TRMT11: variants seen among roughly 807,000 people sequenced by gnomAD.
TRMT11 encodes the protein tRNA (guanine(10)-N(2))-methyltransferase TRMT11.
A neutral mutation model predicts 62.8 loss-of-function variants in TRMT11; 53 were observed. The observed-to-expected ratio is 0.84, with a 90% confidence interval of 0.68 to 1.06. TRMT11 has a LOEUF of 1.06. TRMT11 is among the 50% of genes least tolerant of loss of function. TRMT11 has a pLI of 0.00. For synonymous variants in TRMT11, 188 were observed against 190.3 expected (o/e 0.99, Z 0.10); for missense variants, 556 against 553.4 (o/e 1.00, Z -0.05).
chr6:126,176,903 C>T (rs913594500), upstream of TRMT11, among the ~76,000 whole-genome samples: 3 of 151,920 alleles, frequency 2.0e-5, no homozygotes, highest in Non-Finnish European at 4.4e-5. Flanking sequence ...CATGAAAATG[C>T]GATGGTCCTT....
At chr6:126,026,386 T>TTG (rs1228440626) in intron 12 of TRMT11, among the ~76,000 whole-genome samples, 63 of 143,600 alleles carry the variant, frequency 4.4e-4, no homozygotes, top group African/African-American at 1.8e-3. Flanking sequence ...TTTTTATGTT[T>TTG]TTTTTTAATT....
intron 21 of TRMT11, among the ~76,000 whole-genome samples, chr6:126,139,166 T>A (rs1040269425): frequency 7.9e-5 from 12 of 152,020 alleles, no homozygotes; most frequent in African/African-American, 2.9e-4. Flanking sequence ...GCTGAAACTA[T>A]TTTTTGCATA....
intron 21 of TRMT11, among the ~76,000 whole-genome samples, chr6:126,161,460 T>C (rs954619280): frequency 1.3e-5 from 2 of 152,358 alleles, no homozygotes; most frequent in East Asian, 3.9e-4. Context: ...ATGTGCCACA[T>C]TTTCTTTATC....
chr6:126,128,608 C>A (rs1181294973), intron 21 of TRMT11, among the ~76,000 whole-genome samples: 1 of 152,096 alleles, frequency 6.6e-6, no homozygotes, highest in Non-Finnish European at 1.5e-5. Flanking sequence ...AAAAAGGAAT[C>A]TTCCTTGCAC....
downstream of TRMT11, among the ~76,000 whole-genome samples, chr6:126,041,647 CTAGGCTCATGT>C (rs1775882985): frequency 6.6e-6 from 1 of 152,060 alleles, no homozygotes; most frequent in Non-Finnish European, 1.5e-5. Flanking sequence ...CACAGTGGAA[CTAGGCTCATGT>C]TAATAGTTCT....
chr6:125,991,107 G>A (rs1179371163), intron 1 of TRMT11, among the ~76,000 whole-genome samples: 1 of 151,924 alleles, frequency 6.6e-6, no homozygotes, highest in Non-Finnish European at 1.5e-5. Flanking sequence ...TTAGCCAGAT[G>A]TGGTGGTGTG....
intron 1 of TRMT11, among the ~76,000 whole-genome samples, chr6:126,185,923 G>A (rs1393424837): frequency 1.3e-5 from 2 of 152,068 alleles, no homozygotes; most frequent in Non-Finnish European, 2.9e-5. Flanking sequence ...GAACAGCATG[G>A]GGAAACTGCC....
At chr6:126,157,091 C>T (rs1778130750) in intron 21 of TRMT11, among the ~76,000 whole-genome samples, 1 of 152,138 alleles carries the variant, frequency 6.6e-6, no homozygotes, top group South Asian at 2.1e-4. Flanking sequence ...TCAGATGCCC[C>T]CAAACCTACA....
chr6:126,219,977 A>C, the TRMT11 span, among the ~76,000 whole-genome samples: 1 of 152,152 alleles, frequency 6.6e-6, no homozygotes, highest in Non-Finnish European at 1.5e-5. Context: ...CCTCAGCCAA[A>C]GTTTTTTTCT....
In TRMT11 at chr6:125,998,137, G is replaced by A. The variant is rs747550953; in HGVS notation, c.294+3G>A. The A allele has an allele frequency of 1.9e-6, 3 of 1,612,788 alleles. No individual in the cohort carries two copies. Among genetic ancestry groups the A allele is most frequent in the African/African-American group, 2.7e-5 (2 of 74,884 alleles). ...AAAACTACCCTGTGGAGAAGATGGT[G>A]CGTAGTAAAATGTGGTTTTATATAG... On this transcript the variant is annotated splice_donor_region_variant and intron_variant, in intron 4 of 12. Transcript: ENST00000334379.
At chr6:126,141,798 T>G (rs758777878) in intron 21 of TRMT11, among the ~76,000 whole-genome samples, 2 of 152,134 alleles carry the variant, frequency 1.3e-5, no homozygotes, top group African/African-American at 2.4e-5. Context: ...ATTCTAAGCG[T>G]AAGTGAAGTC....
chr6:126,033,954 G>A (rs2128055765), intron 12 of TRMT11, among the ~76,000 whole-genome samples: 1 of 152,176 alleles, frequency 6.6e-6, no homozygotes, highest in East Asian at 1.9e-4. Flanking sequence ...TTGGCTGGGT[G>A]GGACAGTGGT....
chr6:126,138,206 A>G (rs987289833), intron 21 of TRMT11, among the ~76,000 whole-genome samples: 4 of 152,002 alleles, frequency 2.6e-5, no homozygotes, highest in African/African-American at 9.7e-5. Flanking sequence ...TATGTATATT[A>G]AAATACCATG....
the TRMT11 span, among the ~76,000 whole-genome samples, chr6:126,261,081 G>C: frequency 2.0e-5 from 3 of 152,214 alleles, no homozygotes; most frequent in Middle Eastern, 0.01. Context: ...GTGTGATTAA[G>C]GGTATCCCAT....
intron 17 of TRMT11, among the ~76,000 whole-genome samples, chr6:126,069,719 A>C (rs2128138075): frequency 6.6e-6 from 1 of 152,338 alleles, no homozygotes; most frequent in East Asian, 1.9e-4. Context: ...GGGACTTGCC[A>C]GCCTTCAGAG....
intron 21 of TRMT11, among the ~76,000 whole-genome samples, chr6:126,164,826 C>T (rs1778238961): frequency 6.6e-6 from 1 of 151,964 alleles, no homozygotes; most frequent in African/African-American, 2.4e-5. Flanking sequence ...CGTTCCATTT[C>T]CTTGGTAAGT....
chr6:126,173,443 G>T (rs1307304118), upstream of TRMT11, among the ~76,000 whole-genome samples: 1 of 152,148 alleles, frequency 6.6e-6, no homozygotes, highest in Non-Finnish European at 1.5e-5. Flanking sequence ...GAATGAGAAG[G>T]TTATTTGGAA....
At chr6:126,115,384 G>A (rs1038899998) in exon 20 of TRMT11, among the ~76,000 whole-genome samples, 1 of 152,076 alleles carries the variant, frequency 6.6e-6, no homozygotes, top group Non-Finnish European at 1.5e-5. Flanking sequence ...CTCTGGAGGT[G>A]GGACAAAGGT....
rs759876585 is a variant in TRMT11, at chr6:126,012,950, A to G, written c.1008-20A>G. 1.0e-5 allele frequency: 16 copies of G among 1,607,896 alleles called. No homozygotes were observed. The highest frequency in any genetic ancestry group is 1.1e-5 in the Non-Finnish European group (13 of 1,176,550). On this transcript the variant is annotated intron_variant, in intron 10 of 12. Transcript: ENST00000334379. ...CTTAAAATTTTTCACTGATTTTGAA[A>G]TTTTCTTTTCTTTGTGTAGTCCAGA... is the stretch of plus-strand genomic sequence containing the variant.
Sources: allele counts gnomAD v4.1 joint callset (sites outside exome capture counted in the v4.1 genomes callset), GRCh38; gene constraint gnomAD v4.1.1; transcripts MANE v1.5; gene names NCBI Gene and HGNC (gene_info 2026-07-23, HGNC 2026-07-21).